Variants in PCDHGA1 observed in about 807,000 individuals in gnomAD.
PCDHGA1 encodes the protein protocadherin gamma-A1.
Under a neutral mutation model 58.0 loss-of-function variants are expected in PCDHGA1, and 32 were observed. The ratio of observed to expected loss-of-function variants is 0.55; its 90% CI spans 0.42 to 0.74. The LOEUF is 0.74. PCDHGA1 is among the 30% of genes least tolerant of loss of function. PCDHGA1 has a pLI of 0.00. For missense variants in PCDHGA1, 1,205 were observed against 1,182.3 expected (o/e 1.02, Z -0.28); for synonymous variants, 498 against 501.1 (o/e 0.99, Z 0.08).
chr5:141,491,483 A>ACCTGCAGGTGAGCTCGG lies in PCDHGA1; in HGVS notation c.2422-3323_2422-3307dup. The ACCTGCAGGTGAGCTCGG allele has an allele frequency of 3.1e-6, 5 of 1,614,018 alleles. No individual in the cohort carries two copies. The highest frequency in any genetic ancestry group is 4.2e-6 in the Non-Finnish European group (5 of 1,180,012). ...GACTTCTATAAGCAGTCCAGCCCCAACCTGCAGGTGAGCTCGGACGGCACG... is the reference window on the plus strand; with the variant it reads ...GACTTCTATAAGCAGTCCAGCCCCAACCTGCAGGTGAGCTCGGCCTGCAGGTGAGCTCGGACGGCACG... On this transcript the variant is annotated intron_variant, in intron 1 of 3. Coordinates refer to ENST00000517417, the MANE Select transcript of PCDHGA1 (RefSeq NM_018912.3). The surrounding 1 kb of genome is among the most constrained non-coding windows in gnomAD (Gnocchi z 6.9).
chr5:141,455,400 C>G (rs537466326), intron 1 of PCDHGA1, among the ~76,000 whole-genome samples: 8 of 152,274 alleles, frequency 5.3e-5, no homozygotes, highest in Admixed American at 5.2e-4. Context: ...CTCCCCCTTA[C>G]AGAGACAGAG....
In PCDHGA1 at chr5:141,333,034, A is replaced by G. The variant is rs111873293; in HGVS notation, c.2350A>G (p.Ser784Gly). The change falls in exon 1 of 4, where the codon AGC (serine) becomes GGC (glycine). Residue 784 changes from serine to glycine, a missense_variant. Ser to Gly is a moderately conservative substitution (Grantham distance 56). Transcript: ENST00000517417. ...NYADTLISQE[S>G]CEKKGFLSAP... ...TGCGGACACACTCATCAGCCAGGAG[A>G]GCTGTGAGAAAAAGGGTTTTCTATC... 1.9e-6 allele frequency: 3 copies of G among 1,614,072 alleles called. No homozygotes were observed. In the African/African-American group the frequency reaches 4.0e-5, roughly 22 times the overall value.
Position 141,392,895 on chromosome 5 carries a change from A to C in PCDHGA1, c.2421+59790A>C, listed in dbSNP as rs1213908930. ...GCTGGGAACGCTGTGGGAAATCGGG[A>C]GGGGACAGATTCGCTACTCTGTGCC... On this transcript the variant is annotated intron_variant, in intron 1 of 3. Transcript: ENST00000517417. 11 of 1,613,660 alleles carry C rather than the reference A, an allele frequency of 6.8e-6. No individual in the cohort carries two copies. The Admixed American group carries it at 1.8e-4, about 27-fold the overall frequency.
At chr5:141,443,059 A>G (rs148799842) in intron 1 of PCDHGA1, among the ~76,000 whole-genome samples, 145 of 152,348 alleles carry the variant, frequency 9.5e-4, no homozygotes, top group African/African-American at 3.3e-3. Context: ...GTTCCACTGA[A>G]GAGCGTCTTA....
intron 1 of PCDHGA1, chr5:141,383,809 T>A: frequency 6.2e-7 from 1 of 1,613,966 alleles, no homozygotes; most frequent in South Asian, 1.1e-5. Context: ...AATATCAACT[T>A]TAGAAGGATT....
At chr5:141,435,803 T>C (rs551682061) in intron 1 of PCDHGA1, among the ~76,000 whole-genome samples, 1 of 152,178 alleles carries the variant, frequency 6.6e-6, no homozygotes, top group South Asian at 2.1e-4. Context: ...ACGTCCCAAT[T>C]ATTTTTTCTT....
rs17097251 is a variant in PCDHGA1 at position 141,383,615 on chromosome 5, C to T, written c.2421+50510C>T. On this transcript the variant is annotated intron_variant, in intron 1 of 3. Coordinates refer to ENST00000517417, the MANE Select transcript of PCDHGA1 (RefSeq NM_018912.3). ...ACAGTGGTGGATGTGAATGACCACA[C>T]GCCTGTCTTCTCTCTGCCTCAGTAC... 8,353 of 1,613,802 alleles carry T rather than the reference C, an allele frequency of 5.2e-3. 355 individuals are homozygous for T. The African/African-American group carries it at 0.098, about 19-fold the overall frequency.
Position 141,346,617 on chromosome 5 carries a change from G to C in PCDHGA1, c.2421+13512G>C, listed in dbSNP as rs559786275. The C allele has an allele frequency of 5.6e-6, 6 of 1,075,600 alleles. No homozygotes were observed. In the African/African-American group the frequency reaches 9.6e-5, roughly 17 times the overall value. The allele number at this position is 1,075,600 out of a possible 1,614,324, so 66.6% of individuals were successfully genotyped here. A position where few individuals can be genotyped will look rare whatever the true frequency, so the allele number is the denominator to read the frequency against. On this transcript the variant is annotated intron_variant, in intron 1 of 3. Transcript: ENST00000517417. ...TTCTTTCTGGGCCTATAGTAGGACT[G>C]CACTCCCCGGTCTGGTTATGGTTGA...
chr5:141,360,175 C>T (rs1761457056), intron 1 of PCDHGA1: 1 of 1,609,628 alleles, frequency 6.2e-7, no homozygotes, highest in Non-Finnish European at 8.5e-7. Context: ...GGTGCGGTGG[C>T]TGCAGGTACT....
chr5:141,408,013 CCA>C, intron 1 of PCDHGA1: 1 of 989,288 alleles, frequency 1.0e-6, no homozygotes, highest in Non-Finnish European at 1.4e-6. Flanking sequence ...CCCTGCGCAG[CCA>C]ACAACAGAAA....
chr5:141,362,197 C>T lies in PCDHGA1; in HGVS notation c.2421+29092C>T, dbSNP rs777116647. The T allele has an allele frequency of 8.7e-6, 14 of 1,614,082 alleles. No homozygotes were observed. The South Asian group carries it at 1.4e-4, about 16-fold the overall frequency. ...GGAGCCCTCTGACCCCCAGGCAAAA[C>T]TGCAGTTTTACCTGGTTGTGGCCTT... On this transcript the variant is annotated intron_variant, in intron 1 of 3. Transcript: ENST00000517417.
At chr5:141,419,656 G>A (rs1374057056) in intron 1 of PCDHGA1, 15 of 1,612,528 alleles carry the variant, frequency 9.3e-6, no homozygotes, top group Non-Finnish European at 8.5e-6. Context: ...CGGACTCGGG[G>A]CACAATGCCT....
chr5:141,355,378 G>A, intron 1 of PCDHGA1: 1 of 1,614,042 alleles, frequency 6.2e-7, no homozygotes, highest in South Asian at 1.1e-5. Flanking sequence ...CCGGGAGCTG[G>A]CGGAGCGCGG....
Position 141,431,919 on chromosome 5 carries a change from A to C in PCDHGA1, c.2422-62888A>C, listed in dbSNP as rs2097428718. The C allele has an allele frequency of 7.4e-6, 12 of 1,614,040 alleles. No individual in the cohort carries two copies. Among genetic ancestry groups the C allele is most frequent in the Non-Finnish European group, 1.0e-5 (12 of 1,179,980 alleles). On this transcript the variant is annotated intron_variant, in intron 1 of 3. Transcript: ENST00000517417. This position sits in a 1 kb window ranked among gnomAD's most constrained non-coding sequence, Gnocchi z 4.8. ...AACGGACAGGTGATCTGTTTCATCC[A>C]AGGAAATCTGCCCTTTAAATTAGAA... is the stretch of plus-strand genomic sequence containing the variant.
In PCDHGA1 at chr5:141,372,908, T is replaced by A. The variant is rs1769157545; in HGVS notation, c.2421+39803T>A. The A allele has an allele frequency of 7.4e-6, 8 of 1,075,948 alleles. No individual in the cohort carries two copies. In the East Asian group the frequency reaches 2.1e-4, roughly 28 times the overall value. The allele number at this position is 1,075,948 out of a possible 1,614,324, so 66.7% of individuals were successfully genotyped here. ...ACAGATTAAATATTCCCTGATTACA[T>A]TATTTTATTGATTTTCTGGTGTAGA... On this transcript the variant is annotated intron_variant, in intron 1 of 3. Transcript: ENST00000517417.
chr5:141,357,648 C>G, intron 1 of PCDHGA1: 5 of 1,609,552 alleles, frequency 3.1e-6, no homozygotes, highest in Non-Finnish European at 4.2e-6. Flanking sequence ...ATAGATCATA[C>G]CACACTGAAA....
At chr5:141,375,453 A>C in intron 1 of PCDHGA1, 1 of 1,613,612 alleles carries the variant, frequency 6.2e-7, no homozygotes, top group South Asian at 1.1e-5. Flanking sequence ...CATTCATCCT[A>C]CTCAGTCTAT....
chr5:141,505,925 C>T (rs1161562658), intron 3 of PCDHGA1, among the ~76,000 whole-genome samples: 4 of 152,140 alleles, frequency 2.6e-5, no homozygotes, highest in Admixed American at 1.3e-4. Context: ...CTGGGCCTGG[C>T]GCTTGGAAGC....
chr5:141,345,154 G>A (rs761130659), intron 1 of PCDHGA1: 3 of 1,613,886 alleles, frequency 1.9e-6, no homozygotes, highest in African/African-American at 2.7e-5. Flanking sequence ...GTGCATGACC[G>A]AGATTCTGGG....
Sources: allele counts gnomAD v4.1 joint callset (sites outside exome capture counted in the v4.1 genomes callset), GRCh38; gene constraint gnomAD v4.1.1; non-coding constraint Gnocchi (gnomAD v3.1); transcripts MANE v1.5; gene names NCBI Gene and HGNC (gene_info 2026-07-23, HGNC 2026-07-21).